The following GABRG3 variants were observed in gnomAD, a reference collection of about 807,000 sequenced individuals.
GABRG3 encodes gamma-aminobutyric acid receptor subunit gamma-3.
A neutral mutation model predicts 48.8 loss-of-function variants in GABRG3; 25 were observed. That is an observed-to-expected ratio of 0.51 (90% CI 0.37 to 0.72). The LOEUF (loss-of-function observed/expected upper bound fraction) is 0.72, where lower values mean the gene tolerates loss of function less well. Ranked by LOEUF, GABRG3 falls within the 30% of genes least tolerant of loss-of-function variation. The pLI is 0.00. For missense variants in GABRG3, 394 were observed against 577.9 expected (o/e 0.68, Z 3.26); for synonymous variants, 227 against 217.6 (o/e 1.04, Z -0.38).
At chr15:27,430,691 C>G (rs908558093) in intron 5 of GABRG3, among the ~76,000 whole-genome samples, 4 of 152,032 alleles carry the variant, frequency 2.6e-5, no homozygotes, top group Non-Finnish European at 4.4e-5. Flanking sequence ...GCACCCTTGT[C>G]AAAAATGAAT....
At chr15:27,260,799 G>A (rs529023254) in intron 3 of GABRG3, among the ~76,000 whole-genome samples, 1 of 152,136 alleles carries the variant, frequency 6.6e-6, no homozygotes, top group African/African-American at 2.4e-5. Flanking sequence ...CTGATGAAGG[G>A]GCCCCAGGTG....
chr15:27,079,651 C>T (rs1896960098), intron 3 of GABRG3, among the ~76,000 whole-genome samples: 1 of 152,080 alleles, frequency 6.6e-6, no homozygotes, highest in Non-Finnish European at 1.5e-5. Context: ...ATGGTTCTCA[C>T]CAGTGAGACC....
At chr15:27,441,779 A>G (rs1359745439) in intron 5 of GABRG3, among the ~76,000 whole-genome samples, 1 of 152,044 alleles carries the variant, frequency 6.6e-6, no homozygotes. Context: ...GCATGCCCAC[A>G]CAGTCTACGG....
chr15:27,132,870 G>A (rs1897944077), intron 3 of GABRG3, among the ~76,000 whole-genome samples: 1 of 150,390 alleles, frequency 6.6e-6, no homozygotes, highest in African/African-American at 2.4e-5. Context: ...TCTTTTTCCA[G>A]TTCCTTAGAG....
At chr15:27,292,680 T>A (rs1358899261) in intron 3 of GABRG3, among the ~76,000 whole-genome samples, 4 of 152,018 alleles carry the variant, frequency 2.6e-5, no homozygotes, top group Admixed American at 2.6e-4. Context: ...AAACAAAAAA[T>A]AATAATAATT....
At chr15:27,165,240 C>A (rs1466256554) in intron 3 of GABRG3, among the ~76,000 whole-genome samples, 2 of 152,118 alleles carry the variant, frequency 1.3e-5, no homozygotes, top group Non-Finnish European at 2.9e-5. Flanking sequence ...TACCTTGTTA[C>A]TGGTGGTATG....
intron 3 of GABRG3, among the ~76,000 whole-genome samples, chr15:27,224,686 T>C (rs1272025087): frequency 1.3e-4 from 20 of 152,230 alleles, no homozygotes; most frequent in Admixed American, 1.3e-3. Flanking sequence ...GTATTTGATC[T>C]CTCAGGTATT....
At position 27,233,146 on chromosome 15, in the gene GABRG3, C is replaced by T. The variant is rs143700799; in HGVS notation, c.271-93663C>T. ...GCTTGGTCATGTGAGAGCCTTGGCT[C>T]ACTGGGGAGAGGGTGGGGAAGGCCT... is the stretch of plus-strand genomic sequence containing the variant. On this transcript the variant is annotated intron_variant, in intron 3 of 9. Coordinates refer to ENST00000615808, the MANE Select transcript of GABRG3 (RefSeq NM_033223.5). 1.5e-3 allele frequency among the ~76,000 whole-genome samples: 230 copies of T among 152,200 alleles called. 2 individuals are homozygous for T. In the East Asian group the frequency reaches 0.042, roughly 28 times the overall value.
chr15:27,248,650 G>C (rs1413415896), intron 3 of GABRG3, among the ~76,000 whole-genome samples: 1 of 152,004 alleles, frequency 6.6e-6, no homozygotes, highest in Non-Finnish European at 1.5e-5. Context: ...TCTAGCATGT[G>C]GGTCTTGTCA....
chr15:27,237,819 G>A (rs1287155730), intron 3 of GABRG3, among the ~76,000 whole-genome samples: 1 of 152,184 alleles, frequency 6.6e-6, no homozygotes, highest in East Asian at 1.9e-4. Context: ...GGATGCCACG[G>A]CCCATTCAAC....
intron 5 of GABRG3, among the ~76,000 whole-genome samples, chr15:27,412,050 T>A (rs1182037976): frequency 1.3e-5 from 2 of 152,160 alleles, no homozygotes; most frequent in African/African-American, 2.4e-5. Flanking sequence ...GCAGGTCTGC[T>A]GCCATTTTGT....
At chr15:27,531,327 C>T (rs1004767222) in intron 9 of GABRG3, among the ~76,000 whole-genome samples, 5 of 152,342 alleles carry the variant, frequency 3.3e-5, no homozygotes, top group African/African-American at 4.8e-5. Context: ...ACTTCCACCC[C>T]TCCCCGATTT....
intron 5 of GABRG3, among the ~76,000 whole-genome samples, chr15:27,336,428 A>G (rs1297163458): frequency 1.3e-5 from 2 of 152,098 alleles, no homozygotes. Flanking sequence ...AAGATGTTCA[A>G]TGTCATCAGC....
intron 5 of GABRG3, among the ~76,000 whole-genome samples, chr15:27,338,250 C>G (rs988736799): frequency 1.3e-5 from 2 of 152,142 alleles, no homozygotes; most frequent in African/African-American, 4.8e-5. Context: ...TACTGGTACC[C>G]TAAAAGTTAT....
chr15:27,025,138 C>T (rs1184367994), intron 2 of GABRG3, among the ~76,000 whole-genome samples: 1 of 151,654 alleles, frequency 6.6e-6, no homozygotes, highest in African/African-American at 2.4e-5. Flanking sequence ...TTACACCCTT[C>T]ATGGCACTGT....
rs117236639 is a variant in GABRG3 at position 27,034,184 on chromosome 15, A to G, written c.270+7363A>G. 3.9e-5 allele frequency among the ~76,000 whole-genome samples: 6 copies of G among 152,310 alleles called. No individual in the cohort carries two copies. In the East Asian group the frequency reaches 1.2e-3, roughly 29 times the overall value. On this transcript the variant is annotated intron_variant, in intron 3 of 9. Coordinates refer to ENST00000615808, the MANE Select transcript of GABRG3 (RefSeq NM_033223.5). ...TTGATGCCTTAATTTGATGTTTTCT[A>G]TTCTCGAAAAGCATACAACTGCTCT...
rs1002511512 is a variant in GABRG3, at chr15:26,974,512, G to A, written c.54-2490G>A. ...CTGTAGTGGTGGGGGTAGGAGAGGGGAGGAGAACGGGAGGGGAGGGGAAGA... is the reference window on the plus strand; with the variant it reads ...CTGTAGTGGTGGGGGTAGGAGAGGGAAGGAGAACGGGAGGGGAGGGGAAGA... On this transcript the variant is annotated intron_variant, in intron 1 of 9. Transcript: ENST00000615808. The surrounding 1 kb of genome is among the most constrained non-coding windows in gnomAD (Gnocchi z 4.3). 6.6e-6 allele frequency among the ~76,000 whole-genome samples: 1 copy of A among 151,962 alleles called. No homozygotes were observed. Among genetic ancestry groups the A allele is most frequent in the African/African-American group, 2.4e-5 (1 of 41,374 alleles).
rs547382592 is a variant in GABRG3, at chr15:27,276,804, G to C, written c.271-50005G>C. Among the ~76,000 whole-genome samples, 45 of 152,248 alleles carry C rather than the reference G, an allele frequency of 3.0e-4. 1 individual carries two copies. In the East Asian group the frequency reaches 3.9e-3, roughly 13 times the overall value. ...TTTGGACAAAGCAAAGTCGAAGCAG[G>C]CTCCAAATTTGGATTGTGAGACACG... On this transcript the variant is annotated intron_variant, in intron 3 of 9. Transcript: ENST00000615808.
intron 5 of GABRG3, among the ~76,000 whole-genome samples, chr15:27,410,001 C>G (rs1018527248): frequency 6.6e-6 from 1 of 152,056 alleles, no homozygotes; most frequent in Non-Finnish European, 1.5e-5. Flanking sequence ...TTGCCTTGGT[C>G]CTGATATTGG....
Sources: gnomAD v4.1 joint callset for allele counts (sites outside exome capture counted in the v4.1 genomes callset) on GRCh38, gnomAD v4.1.1 for gene constraint, Gnocchi (gnomAD v3.1) non-coding constraint, MANE v1.5 for transcripts, NCBI Gene and HGNC (gene_info 2026-07-23, HGNC 2026-07-21) for gene names.